FAP: variants seen among roughly 807,000 people sequenced by gnomAD.
The protein encoded by FAP is prolyl endopeptidase FAP.
A neutral mutation model predicts 126.5 loss-of-function variants in FAP; 110 were observed. That is an observed-to-expected ratio of 0.87 (90% CI 0.74 to 1.02). FAP has a LOEUF of 1.02. Ranked by LOEUF, FAP falls within the 50% of genes least tolerant of loss-of-function variation. FAP has a pLI of 0.00. For missense variants in FAP, 919 were observed against 909.2 expected (o/e 1.01, Z -0.14); for synonymous variants, 334 against 297.3 (o/e 1.12, Z -1.27).
intron 17 of FAP, among the ~76,000 whole-genome samples, chr2:162,190,260 C>T (rs1015260775): frequency 2.0e-5 from 3 of 151,964 alleles, no homozygotes; most frequent in Non-Finnish European, 4.4e-5. Context: ...TTCTTTCTTA[C>T]GCTTTCCTGT....
At chr2:162,193,147 C>T (rs867939929) in intron 17 of FAP, among the ~76,000 whole-genome samples, 10 of 152,082 alleles carry the variant, frequency 6.6e-5, no homozygotes, top group Non-Finnish European at 4.4e-5. Flanking sequence ...ATTGCTGACA[C>T]CAAATGCAAT....
intron 12 of FAP, among the ~76,000 whole-genome samples, chr2:162,205,752 A>T (rs186477394): frequency 5.3e-5 from 8 of 152,226 alleles, no homozygotes; most frequent in African/African-American, 1.9e-4. Context: ...ACCTCAGGTG[A>T]TCCACCCGCC....
intron 2 of FAP, among the ~76,000 whole-genome samples, chr2:162,231,301 T>C (rs1489056600): frequency 6.6e-6 from 1 of 152,230 alleles, no homozygotes. Context: ...AAATATTCCA[T>C]TAATAATTAT....
At chr2:162,171,114 T>C (rs1404836569) in intron 25 of FAP, 34 bp from the exon 26 acceptor site, 4 of 1,558,842 alleles carry the variant, frequency 2.6e-6, no homozygotes, top group Non-Finnish European at 3.5e-6. Context: ...GTTTTATTCC[T>C]GCAGTCATCA....
chr2:162,237,255 C>T (rs762286291), intron 2 of FAP, among the ~76,000 whole-genome samples: 18 of 152,256 alleles, frequency 1.2e-4, no homozygotes, highest in South Asian at 2.1e-4. Flanking sequence ...TTCTAGGATA[C>T]ATTTGCAGGA....
At chr2:162,216,779 G>A (rs545264976) in intron 9 of FAP, among the ~76,000 whole-genome samples, 20 of 152,160 alleles carry the variant, frequency 1.3e-4, no homozygotes, top group South Asian at 2.1e-4. Flanking sequence ...ACTGTTCAAC[G>A]TCTCTTAGGA....
intron 25 of FAP, chr2:162,172,298 C>G (rs1393332166): frequency 1.3e-5 from 2 of 152,324 alleles, no homozygotes; most frequent in East Asian, 1.9e-4. Context: ...CATTCATTCA[C>G]TCAGTAAGAA....
chr2:162,188,465 T>A (rs983731501), intron 19 of FAP, 102 bp from the exon 20 acceptor site: 2 of 994,590 alleles, frequency 2.0e-6, no homozygotes, highest in African/African-American at 1.6e-5. Flanking sequence ...TACAATTATG[T>A]GATAAAATAA....
At chr2:162,195,542 G>A (rs373247876) in intron 16 of FAP, among the ~76,000 whole-genome samples, 26 of 151,824 alleles carry the variant, frequency 1.7e-4, no homozygotes, top group Non-Finnish European at 2.9e-4. Context: ...GGGTTGGGGG[G>A]CGTGCTCAGC....
chr2:162,241,299 A>G (rs1690334939), intron 2 of FAP, among the ~76,000 whole-genome samples: 2 of 152,240 alleles, frequency 1.3e-5, no homozygotes, highest in Non-Finnish European at 2.9e-5. Flanking sequence ...TATACTATAT[A>G]TAGTTTACGA....
intron 21 of FAP, chr2:162,176,515 T>C (rs951409418): frequency 6.6e-6 from 1 of 152,124 alleles, no homozygotes; most frequent in Non-Finnish European, 1.5e-5. Context: ...CAAGTGAAAA[T>C]TCTCTGTCTG....
intron 18 of FAP, 33 bp from the exon 19 acceptor site, chr2:162,189,205 T>C (rs2106227883): frequency 1.5e-6 from 2 of 1,360,060 alleles, no homozygotes; most frequent in East Asian, 4.7e-5. Context: ...AAAATCTTCA[T>C]TCCACAGCAC....
At chr2:162,181,926 T>G (rs1687706877) in intron 21 of FAP, among the ~76,000 whole-genome samples, 1 of 152,236 alleles carries the variant, frequency 6.6e-6, no homozygotes, top group Non-Finnish European at 1.5e-5. Flanking sequence ...ACTAGTTCCT[T>G]CTGCTCAGAT....
chr2:162,172,506 T>C (rs1687345940), intron 25 of FAP: 1 of 269,048 alleles, frequency 3.7e-6, no homozygotes, highest in Non-Finnish European at 7.2e-6. Flanking sequence ...ACTCTAAGCA[T>C]ATAATTGCAC....
rs546840764 is a variant in FAP at position 162,243,396 on chromosome 2, C to T, written c.-69G>A. 3.2e-6 allele frequency: 5 copies of T among 1,576,820 alleles called. No individual in the cohort carries two copies. Among genetic ancestry groups the T allele is most frequent in the Middle Eastern group, 1.7e-4 (1 of 5,866 alleles). ...CGTGGGTCACTGGATCTGTGAAAAC[C>T]GTTGAAAAGGACCAAGTCTGTCTTT... On this transcript the variant is annotated 5_prime_UTR_variant, in exon 1 of 26. Coordinates refer to ENST00000188790, the MANE Select transcript of FAP (RefSeq NM_004460.5).
At chr2:162,223,108 T>C (rs977753063) in intron 6 of FAP, among the ~76,000 whole-genome samples, 7 of 152,194 alleles carry the variant, frequency 4.6e-5, no homozygotes, top group Non-Finnish European at 8.8e-5. Flanking sequence ...ACATTTAGTA[T>C]TTTACACGTC....
intron 21 of FAP, among the ~76,000 whole-genome samples, chr2:162,181,288 A>G (rs886591045): frequency 1.3e-5 from 2 of 152,166 alleles, no homozygotes; most frequent in African/African-American, 4.8e-5. Context: ...AAAAAGAAAA[A>G]AAATAAAAAA....
chr2:162,224,377 C>T (rs1348380123), intron 5 of FAP, 89 bp downstream of exon 5: 9 of 739,388 alleles, frequency 1.2e-5, no homozygotes, highest in African/African-American at 5.4e-5. Flanking sequence ...GAGATAAAGA[C>T]AGACTCTTGC....
At chr2:162,198,697 TGAG>T in intron 16 of FAP, 57 bp downstream of exon 16, 1 of 1,590,768 alleles carries the variant, frequency 6.3e-7, no homozygotes, top group South Asian at 1.1e-5. Flanking sequence ...CAGATAGAGG[TGAG>T]GAGGATGACA....
Sources: gnomAD v4.1 joint callset for allele counts (sites outside exome capture counted in the v4.1 genomes callset) on GRCh38, gnomAD v4.1.1 for gene constraint, MANE v1.5 for transcripts, NCBI Gene and HGNC (gene_info 2026-07-23, HGNC 2026-07-21) for gene names.